Variants in KIZ observed in about 807,000 individuals in gnomAD.
KIZ encodes centrosomal protein kizuna.
KIZ carries 68 observed loss-of-function variants against 79.6 expected under a neutral mutation model. That is an observed-to-expected ratio of 0.85 (90% confidence interval 0.70 to 1.05). The LOEUF is 1.05. Ranked by LOEUF, KIZ falls within the 50% of genes least tolerant of loss-of-function variation. KIZ has a pLI of 0.00. For synonymous variants in KIZ, 280 were observed against 281.8 expected (o/e 0.99, Z 0.06); for missense variants, 797 against 800.4 (o/e 1.00, Z 0.05).
chr20:21,196,694 G>A (rs1447953725), intron 6 of KIZ: 1 of 152,292 alleles, frequency 6.6e-6, no homozygotes, highest in African/African-American at 2.4e-5. Flanking sequence ...TGACCTACAA[G>A]AACTGAGAAT....
chr20:21,187,063 G>A (rs74389422), intron 6 of KIZ, among the ~76,000 whole-genome samples: 15,446 of 151,886 alleles, frequency 0.1, 1,392 homozygotes, highest in African/African-American at 0.24. Context: ...AATGTTTATT[G>A]GAGCATTTCA....
chr20:21,212,411 T>C (rs1473872967), intron 7 of KIZ, among the ~76,000 whole-genome samples: 1 of 152,244 alleles, frequency 6.6e-6, no homozygotes, highest in Non-Finnish European at 1.5e-5. Context: ...AGTAGTACAG[T>C]ATCCAATAAA....
At chr20:21,143,291 A>T (rs1383083468) in intron 3 of KIZ, among the ~76,000 whole-genome samples, 1 of 151,572 alleles carries the variant, frequency 6.6e-6, no homozygotes, top group Non-Finnish European at 1.5e-5. Context: ...TTATTCTGTA[A>T]CTTGAGAATT....
At chr20:21,158,182 T>G (rs1209098817) in intron 4 of KIZ, among the ~76,000 whole-genome samples, 1 of 152,240 alleles carries the variant, frequency 6.6e-6, no homozygotes, top group East Asian at 1.9e-4. Context: ...TATATCAGCT[T>G]TTTTATTACA....
intron 11 of KIZ, among the ~76,000 whole-genome samples, chr20:21,237,426 G>T (rs2037054531): frequency 6.6e-6 from 1 of 151,980 alleles, no homozygotes; most frequent in African/African-American, 2.4e-5. Flanking sequence ...GGCCAGGAAT[G>T]AGTATCTGAC....
intron 11 of KIZ, among the ~76,000 whole-genome samples, chr20:21,240,778 C>T (rs925858090): frequency 1.3e-5 from 2 of 152,200 alleles, no homozygotes; most frequent in Non-Finnish European, 2.9e-5. Flanking sequence ...AATAATGTTT[C>T]GTGACACCTG....
At chr20:21,219,356 C>A (rs1369540778) in intron 9 of KIZ, among the ~76,000 whole-genome samples, 1 of 151,912 alleles carries the variant, frequency 6.6e-6, no homozygotes, top group Non-Finnish European at 1.5e-5. Context: ...CTTGCTCTGT[C>A]ACCCAGGCTG....
chr20:21,127,204 AT>A (rs202191983), intron 1 of KIZ, among the ~76,000 whole-genome samples: 1,572 of 152,132 alleles, frequency 0.01, 13 homozygotes, highest in Non-Finnish European at 0.017. Flanking sequence ...TGTCGTTAGC[AT>A]TTTTTTTACC....
rs2037318247 is a variant in KIZ, at chr20:21,244,300, A to G, written c.1924+12A>G. 1 of 1,572,154 alleles carries G rather than the reference A, an allele frequency of 6.4e-7. No individual in the cohort carries two copies. On this transcript the variant is annotated intron_variant, in intron 12 of 12. Coordinates refer to ENST00000619189, the MANE Select transcript of KIZ (RefSeq NM_018474.6). ...TTTAAAATCTAATGGTGAGAGAGAT[A>G]ATCGGACACTAGATTTTCTTTTTCT...
chr20:21,172,256 T>C (rs1388879198), intron 6 of KIZ, among the ~76,000 whole-genome samples: 1 of 152,192 alleles, frequency 6.6e-6, no homozygotes, highest in Non-Finnish European at 1.5e-5. Flanking sequence ...CTTATGATCA[T>C]GCATGTGGAG....
At position 21,136,379 on chromosome 20, in the gene KIZ, T is replaced by A. The variant is rs374524997; in HGVS notation, c.153-11T>A. 8.5e-5 allele frequency: 123 copies of A among 1,452,224 alleles called. No individual in the cohort carries two copies. The highest frequency in any genetic ancestry group is 7.6e-5 in the Non-Finnish European group (81 of 1,064,530). The allele number at this position is 1,452,224 out of a possible 1,614,324, so 90.0% of individuals were successfully genotyped here. ...TAGTCCATTGTTTTAAAACTGCTTT[T>A]AATTTTCTAGAGTTAAGCTGAAATA... On this transcript the variant is annotated splice_polypyrimidine_tract_variant and intron_variant, in intron 2 of 12. Coordinates refer to ENST00000619189, the MANE Select transcript of KIZ (RefSeq NM_018474.6).
chr20:21,169,994 G>A (rs1398908751), intron 6 of KIZ, among the ~76,000 whole-genome samples: 1 of 152,062 alleles, frequency 6.6e-6, no homozygotes, highest in Non-Finnish European at 1.5e-5. Flanking sequence ...GGTGGCTTCT[G>A]GGTTTTGCCA....
At chr20:21,188,343 A>G (rs936997355) in intron 6 of KIZ, among the ~76,000 whole-genome samples, 1 of 152,198 alleles carries the variant, frequency 6.6e-6, no homozygotes, top group Non-Finnish European at 1.5e-5. Context: ...GCATTCAATC[A>G]TACTTACCTT....
chr20:21,126,802 A>C (rs181084042), intron 1 of KIZ, among the ~76,000 whole-genome samples: 2 of 152,320 alleles, frequency 1.3e-5, no homozygotes, highest in Non-Finnish European at 2.9e-5. Context: ...TAAGATATGA[A>C]AGATGGGAAC....
intron 3 of KIZ, among the ~76,000 whole-genome samples, chr20:21,142,613 A>G: frequency 6.6e-6 from 1 of 151,984 alleles, no homozygotes; most frequent in Non-Finnish European, 1.5e-5. Context: ...CAACATGATG[A>G]GAACCTGTCT....
At chr20:21,149,127 G>A (rs965113163) in intron 4 of KIZ, among the ~76,000 whole-genome samples, 1 of 152,088 alleles carries the variant, frequency 6.6e-6, no homozygotes, top group Non-Finnish European at 1.5e-5. Flanking sequence ...TTAACTTGCC[G>A]AAAACTACAC....
intron 6 of KIZ, among the ~76,000 whole-genome samples, chr20:21,191,973 C>G (rs1381235117): frequency 1.3e-5 from 2 of 152,098 alleles, no homozygotes; most frequent in Admixed American, 6.6e-5. Flanking sequence ...CTCACAAACC[C>G]TCTTTGTTGG....
intron 7 of KIZ, among the ~76,000 whole-genome samples, chr20:21,210,382 T>G (rs1050363947): frequency 2.7e-5 from 4 of 146,116 alleles, no homozygotes; most frequent in South Asian, 2.1e-4. Flanking sequence ...CATAACCTTG[T>G]TTTTTTTTTA....
At chr20:21,161,715 A>G (rs781318913) in intron 4 of KIZ, among the ~76,000 whole-genome samples, 156 bp from the exon 5 acceptor site, 1 of 151,598 alleles carries the variant, frequency 6.6e-6, no homozygotes, top group South Asian at 2.1e-4. Flanking sequence ...TTGCTCATTC[A>G]TTATGTAGGA....
Sources: allele counts gnomAD v4.1 joint callset (sites outside exome capture counted in the v4.1 genomes callset), GRCh38; gene constraint gnomAD v4.1.1; transcripts MANE v1.5; gene names NCBI Gene and HGNC (gene_info 2026-07-23, HGNC 2026-07-21).